The following LIMS1 variants were observed in gnomAD, a reference collection of about 807,000 sequenced individuals.
The protein encoded by LIMS1 is LIM zinc finger domain containing 1, also known as LIM and senescent cell antigen-like-containing domain protein 1.
LIMS1 carries 18 observed loss-of-function variants against 44.1 expected under a neutral mutation model. The ratio of observed to expected loss-of-function variants is 0.41; its 90% CI spans 0.28 to 0.61. The LOEUF is 0.61. Among genes scored for constraint, LIMS1 ranks in the 20% least tolerant of loss-of-function variants. LIMS1 has a pLI of 0.32. For missense variants in LIMS1, 201 were observed against 422.0 expected, an observed-to-expected ratio of 0.48 and a Z score of 4.59; for synonymous variants, 93 against 149.1, an observed-to-expected ratio of 0.62 and a Z score of 2.74.
At chr2:108,587,293 TGTGTGTGTGTGTGTGTGTGTGTG>T (rs1686153921) in intron 1 of LIMS1, among the ~76,000 whole-genome samples, 6 of 90,200 alleles carry the variant, frequency 6.7e-5, no homozygotes, top group South Asian at 7.0e-4. Flanking sequence ...TTGGGGTTTG[TGTGTGTGTGTGTGTGTGTGTGTG>T]TGTGTGTGTG....
At chr2:108,535,489 CT>C (rs1684101779) in intron 1 of LIMS1, among the ~76,000 whole-genome samples, 1 of 152,166 alleles carries the variant, frequency 6.6e-6, no homozygotes, top group African/African-American at 2.4e-5. Context: ...GTTAAAATTC[CT>C]TGGTCTGTCT....
At chr2:108,675,538 C>T (rs1437861243) in intron 5 of LIMS1, among the ~76,000 whole-genome samples, 1 of 152,166 alleles carries the variant, frequency 6.6e-6, no homozygotes, top group Non-Finnish European at 1.5e-5. Context: ...AGTCTACCCT[C>T]AGCACTGTGA....
chr2:108,582,431 A>G (rs1304902162), intron 1 of LIMS1, among the ~76,000 whole-genome samples: 3 of 152,056 alleles, frequency 2.0e-5, no homozygotes, highest in Non-Finnish European at 4.4e-5. Flanking sequence ...ATAGAACCTA[A>G]CTGTGTTTAG....
chr2:108,561,045 A>T (rs1248750525), intron 1 of LIMS1, among the ~76,000 whole-genome samples: 3 of 152,238 alleles, frequency 2.0e-5, no homozygotes, highest in Non-Finnish European at 2.9e-5. Flanking sequence ...CCAGTAGCTC[A>T]GTGAAAAAAA....
intron 1 of LIMS1, among the ~76,000 whole-genome samples, chr2:108,578,324 T>C (rs1055184759): frequency 1.3e-5 from 2 of 152,252 alleles, no homozygotes; most frequent in Admixed American, 1.3e-4. Flanking sequence ...CATGTGTATA[T>C]GTAAAGATGT....
chr2:108,573,466 A>G (rs1685558569), intron 1 of LIMS1, among the ~76,000 whole-genome samples: 1 of 151,576 alleles, frequency 6.6e-6, no homozygotes, highest in African/African-American at 2.4e-5. Context: ...AGCTGATGGG[A>G]AAAGCATTTT....
At chr2:108,538,275 A>T (rs546348201) in intron 1 of LIMS1, among the ~76,000 whole-genome samples, 65 of 152,146 alleles carry the variant, frequency 4.3e-4, no homozygotes, top group Non-Finnish European at 8.2e-4. Context: ...CATCTCTTTT[A>T]TTTGATCATA....
At chr2:108,607,692 C>T (rs529455201) in intron 1 of LIMS1, among the ~76,000 whole-genome samples, 1 of 152,250 alleles carries the variant, frequency 6.6e-6, no homozygotes, top group East Asian at 1.9e-4. Flanking sequence ...GTTTATATCC[C>T]TTAACTTTTC....
intron 1 of LIMS1, among the ~76,000 whole-genome samples, chr2:108,634,817 G>C (rs951732306): frequency 3.9e-5 from 6 of 152,358 alleles, no homozygotes; most frequent in Non-Finnish European, 8.8e-5. Context: ...AGGCGCAGCA[G>C]AGCACAGCGA....
chr2:108,551,326 A>G (rs1489622761), intron 1 of LIMS1, among the ~76,000 whole-genome samples: 1 of 146,952 alleles, frequency 6.8e-6, no homozygotes, highest in Non-Finnish European at 1.5e-5. Flanking sequence ...TATATAATAG[A>G]TTTTATTTAT....
chr2:108,553,221 G>A (rs1684820295), intron 1 of LIMS1, among the ~76,000 whole-genome samples: 1 of 152,224 alleles, frequency 6.6e-6, no homozygotes, highest in Non-Finnish European at 1.5e-5. Context: ...TCACTGCCCA[G>A]ATGCAGCCTG....
chr2:108,539,902 G>A (rs1684262171), intron 1 of LIMS1, among the ~76,000 whole-genome samples: 1 of 152,008 alleles, frequency 6.6e-6, no homozygotes, highest in Non-Finnish European at 1.5e-5. Context: ...CCTTCTTGCT[G>A]AGTTCTTACC....
chr2:108,564,564 G>A (rs1279755634), intron 1 of LIMS1, among the ~76,000 whole-genome samples: 1 of 152,072 alleles, frequency 6.6e-6, no homozygotes, highest in African/African-American at 2.4e-5. Context: ...ACCCAGGGAG[G>A]AGCCGGTGTT....
intron 1 of LIMS1, among the ~76,000 whole-genome samples, chr2:108,626,830 A>G (rs1279844133): frequency 6.6e-6 from 1 of 152,210 alleles, no homozygotes; most frequent in Non-Finnish European, 1.5e-5. Context: ...CTCTTTCAGT[A>G]GTTTTGGAAA....
intron 1 of LIMS1, among the ~76,000 whole-genome samples, chr2:108,580,154 G>T (rs1205123440): frequency 6.6e-6 from 1 of 152,206 alleles, no homozygotes; most frequent in Admixed American, 6.5e-5. Flanking sequence ...TGAACTTACA[G>T]GTCTCTGAGA....
intron 1 of LIMS1, among the ~76,000 whole-genome samples, chr2:108,605,922 G>A (rs535779968): frequency 1.3e-5 from 2 of 152,332 alleles, no homozygotes; most frequent in South Asian, 2.1e-4. Context: ...TGAAAGGCCC[G>A]GTGAGCATGG....
chr2:108,594,395 G>T (rs1377491310), intron 1 of LIMS1, among the ~76,000 whole-genome samples: 2 of 152,180 alleles, frequency 1.3e-5, no homozygotes, highest in Non-Finnish European at 2.9e-5. Context: ...TAGTGTTGCT[G>T]AACGCTTAAA....
chr2:108,593,676 C>G (rs1686521079), intron 1 of LIMS1, among the ~76,000 whole-genome samples: 1 of 152,182 alleles, frequency 6.6e-6, no homozygotes, highest in African/African-American at 2.4e-5. Flanking sequence ...GATGATTCAA[C>G]TCTTAGGGCT....
At chr2:108,621,890 C>T (rs894701583) in intron 1 of LIMS1, among the ~76,000 whole-genome samples, 2 of 151,926 alleles carry the variant, frequency 1.3e-5, no homozygotes, top group African/African-American at 2.4e-5. Context: ...GAGATTGTTA[C>T]TGAAATGGTG....
Sources: gnomAD v4.1 joint callset for allele counts (sites outside exome capture counted in the v4.1 genomes callset) on GRCh38, gnomAD v4.1.1 for gene constraint, MANE v1.5 for transcripts, NCBI Gene and HGNC (gene_info 2026-07-23, HGNC 2026-07-21) for gene names.